The following VPS13B variants were observed in gnomAD, a reference collection of about 807,000 sequenced individuals.
VPS13B encodes the protein intermembrane lipid transfer protein VPS13B.
A neutral mutation model predicts 426.4 loss-of-function variants in VPS13B; 285 were observed. The observed-to-expected ratio is 0.67, with a 90% confidence interval of 0.61 to 0.74. The LOEUF (loss-of-function observed/expected upper bound fraction) is 0.74. Ranked by LOEUF, VPS13B falls within the 30% of genes least tolerant of loss-of-function variation. The probability of loss-of-function intolerance (pLI) is 0.00; values close to 1 mark genes in which losing one functional copy is unlikely to be tolerated. For synonymous variants in VPS13B, 1,676 were observed against 1,676.4 expected, an observed-to-expected ratio of 1.00 and a Z score of 0.01; for missense variants, 4,537 against 4,782.6, an observed-to-expected ratio of 0.95 and a Z score of 1.51.
At chr8:99,604,934 G>A (rs532185378) in intron 33 of VPS13B, among the ~76,000 whole-genome samples, 10 of 152,244 alleles carry the variant, frequency 6.6e-5, no homozygotes, top group South Asian at 2.1e-4. Context: ...TATAGGATAC[G>A]TGTTATAAAT....
At chr8:99,502,487 C>T (rs1268271713) in intron 26 of VPS13B, among the ~76,000 whole-genome samples, 1 of 152,092 alleles carries the variant, frequency 6.6e-6, no homozygotes, top group Non-Finnish European at 1.5e-5. Context: ...CTTTGTAATA[C>T]ATAAATTTTG....
At chr8:99,071,073 C>G (rs906728032) in intron 3 of VPS13B, among the ~76,000 whole-genome samples, 2 of 152,074 alleles carry the variant, frequency 1.3e-5, no homozygotes, top group African/African-American at 4.8e-5. Flanking sequence ...ATCTCTGTCT[C>G]TTCAGGATTG....
chr8:99,505,259 A>G (rs191103636), intron 27 of VPS13B, among the ~76,000 whole-genome samples: 15 of 152,182 alleles, frequency 9.9e-5, no homozygotes, highest in Non-Finnish European at 2.2e-4. Flanking sequence ...AGCACTTTCA[A>G]TTTTCTTCAA....
At chr8:99,266,255 C>CA (rs113518710) in intron 17 of VPS13B, among the ~76,000 whole-genome samples, 3,537 of 142,274 alleles carry the variant, frequency 0.025, 64 homozygotes, top group African/African-American at 0.052. Context: ...CCTGTCTCTA[C>CA]AAAAAAAAAA....
At chr8:99,286,393 T>C (rs1218340486) in intron 19 of VPS13B, among the ~76,000 whole-genome samples, 2 of 152,186 alleles carry the variant, frequency 1.3e-5, no homozygotes, top group Non-Finnish European at 2.9e-5. Flanking sequence ...ATTTAACTCA[T>C]CATTAATGAG....
At chr8:99,547,898 A>C (rs142439796) in intron 30 of VPS13B, among the ~76,000 whole-genome samples, 50 of 152,246 alleles carry the variant, frequency 3.3e-4, no homozygotes, top group Non-Finnish European at 6.0e-4. Flanking sequence ...TAAAGGCTGC[A>C]ATAAGGAGAC....
chr8:99,413,577 A>G (rs577552287), intron 21 of VPS13B, among the ~76,000 whole-genome samples: 1 of 152,174 alleles, frequency 6.6e-6, no homozygotes, highest in African/African-American at 2.4e-5. Context: ...TAGTGCTATA[A>G]ATTTCCCTCT....
intron 39 of VPS13B, among the ~76,000 whole-genome samples, chr8:99,750,911 A>C (rs529572349): frequency 4.3e-4 from 65 of 152,250 alleles, no homozygotes; most frequent in African/African-American, 1.6e-3. Context: ...CAAGAAACTG[A>C]ATGGAGACAA....
intron 17 of VPS13B, among the ~76,000 whole-genome samples, chr8:99,261,026 AC>A (rs1295608073): frequency 1.3e-5 from 2 of 151,728 alleles, no homozygotes; most frequent in African/African-American, 2.4e-5. Flanking sequence ...TTTCCCTTAT[AC>A]CCCCACCCCA....
At chr8:99,266,714 TAGTG>T (rs1411922012) in intron 17 of VPS13B, among the ~76,000 whole-genome samples, 1 of 152,146 alleles carries the variant, frequency 6.6e-6, no homozygotes, top group Admixed American at 6.5e-5. Context: ...GTTCTTGTGA[TAGTG>T]AGTGAGTTCT....
At chr8:99,511,584 T>G in intron 29 of VPS13B, 72 bp downstream of exon 29, 3 of 1,489,828 alleles carry the variant, frequency 2.0e-6, no homozygotes, top group East Asian at 4.7e-5. Flanking sequence ...TCTGGGTTTT[T>G]TTGTTTCTTT....
At chr8:99,085,599 T>G (rs1588016458) in intron 3 of VPS13B, among the ~76,000 whole-genome samples, 1 of 152,210 alleles carries the variant, frequency 6.6e-6, no homozygotes, top group East Asian at 1.9e-4. Context: ...TGGTTTTTCC[T>G]TTCCATGTTT....
chr8:99,459,022 A>T (rs1013147037), intron 23 of VPS13B, among the ~76,000 whole-genome samples: 1 of 152,162 alleles, frequency 6.6e-6, no homozygotes, highest in Non-Finnish European at 1.5e-5. Context: ...GGTATTGCCT[A>T]GGTTTTCTTC....
At chr8:99,158,331 G>A (rs749781718) in intron 15 of VPS13B, among the ~76,000 whole-genome samples, 7 of 152,088 alleles carry the variant, frequency 4.6e-5, no homozygotes, top group Admixed American at 2.0e-4. Flanking sequence ...TCAGGAGATC[G>A]ACCAGCCTGG....
intron 33 of VPS13B, among the ~76,000 whole-genome samples, chr8:99,594,203 A>G (rs1258441461): frequency 6.6e-6 from 1 of 151,932 alleles, no homozygotes; most frequent in African/African-American, 2.4e-5. Flanking sequence ...CATGTAAGAA[A>G]GAAAACATAG....
chr8:99,683,160 T>C (rs1831225318), intron 35 of VPS13B, among the ~76,000 whole-genome samples: 1 of 152,206 alleles, frequency 6.6e-6, no homozygotes, highest in Non-Finnish European at 1.5e-5. Context: ...AAAAATCAAC[T>C]AATAATTCTT....
At chr8:99,315,776 A>T (rs1265064470) in intron 19 of VPS13B, among the ~76,000 whole-genome samples, 1 of 151,966 alleles carries the variant, frequency 6.6e-6, no homozygotes, top group African/African-American at 2.4e-5. Context: ...AGCTAGGACT[A>T]CGGGCGCCTG....
chr8:99,337,563 C>T lies in VPS13B; in HGVS notation c.2825-46645C>T, dbSNP rs1169874789. 2.0e-5 allele frequency among the ~76,000 whole-genome samples: 3 copies of T among 151,358 alleles called. No homozygotes were observed. The East Asian group carries it at 5.8e-4, about 29-fold the overall frequency. Reference sequence around the variant, plus strand: ...AAAAAAGAGTTGAAGGTCTTTTGCCCATTTTATGTTAATGGTTTGTCTTTA... The same window carrying T: ...AAAAAAGAGTTGAAGGTCTTTTGCCTATTTTATGTTAATGGTTTGTCTTTA... On this transcript the variant is annotated intron_variant, in intron 19 of 61. Coordinates refer to ENST00000357162, the MANE Select transcript of VPS13B (RefSeq NM_152564.5).
intron 39 of VPS13B, among the ~76,000 whole-genome samples, chr8:99,725,620 A>C (rs1833315014): frequency 2.0e-5 from 3 of 152,190 alleles, no homozygotes; most frequent in African/African-American, 7.2e-5. Context: ...CGCAGTAGAG[A>C]TGTTCAATAA....
Sources: gnomAD v4.1 joint callset for allele counts (sites outside exome capture counted in the v4.1 genomes callset) on GRCh38, gnomAD v4.1.1 for gene constraint, MANE v1.5 for transcripts, NCBI Gene and HGNC (gene_info 2026-07-23, HGNC 2026-07-21) for gene names.